RNF150: variants seen among roughly 807,000 people sequenced by gnomAD.
The protein encoded by RNF150 is ring finger protein 150.
RNF150 carries 24 observed loss-of-function variants against 39.3 expected under a neutral mutation model. The ratio of observed to expected loss-of-function variants is 0.61; its 90% CI spans 0.44 to 0.86. RNF150 has a LOEUF of 0.86. Ranked by LOEUF, RNF150 falls within the 40% of genes least tolerant of loss-of-function variation. The pLI is 0.00. For missense variants in RNF150, 502 were observed against 587.8 expected, an observed-to-expected ratio of 0.85 and a Z score of 1.51; for synonymous variants, 255 against 227.3, an observed-to-expected ratio of 1.12 and a Z score of -1.10.
chr4:140,899,968 CTCTCTCTGTGTGTGTGTGTG>C (rs750873780), intron 6 of RNF150, among the ~76,000 whole-genome samples: 81 of 116,942 alleles, frequency 6.9e-4, no homozygotes, highest in Non-Finnish European at 8.7e-4. Context: ...CTCTCTCTCT[CTCTCTCTGTGTGTGTGTGTG>C]TGTGTGTGTG....
intron 1 of RNF150, among the ~76,000 whole-genome samples, chr4:140,972,066 T>C (rs13124307): frequency 0.5 from 76,126 of 151,734 alleles, 19,596 homozygotes; most frequent in East Asian, 0.79. Flanking sequence ...TTGTAGATAT[T>C]TTCTATTTGT....
At chr4:141,086,965 T>C (rs1338098537) in intron 1 of RNF150, among the ~76,000 whole-genome samples, 1 of 152,162 alleles carries the variant, frequency 6.6e-6, no homozygotes, top group African/African-American at 2.4e-5. Flanking sequence ...ATTTGCTTTC[T>C]AGCTATTGCT....
chr4:140,905,207 C>T (rs1318113695), intron 6 of RNF150, among the ~76,000 whole-genome samples: 1 of 152,256 alleles, frequency 6.6e-6, no homozygotes, highest in East Asian at 1.9e-4. Flanking sequence ...TATTCACATA[C>T]ATATATGCAT....
chr4:141,089,719 T>C (rs1366503261), intron 1 of RNF150, among the ~76,000 whole-genome samples: 1 of 152,200 alleles, frequency 6.6e-6, no homozygotes, highest in Non-Finnish European at 1.5e-5. Flanking sequence ...CAGTACAGGA[T>C]ACTCCCATAA....
intron 1 of RNF150, among the ~76,000 whole-genome samples, chr4:141,090,973 G>T (rs150744380): frequency 3.9e-5 from 6 of 152,320 alleles, no homozygotes; most frequent in African/African-American, 1.4e-4. Context: ...CTTTCAGATG[G>T]CAAGGGCTGA....
chr4:140,970,246 A>G (rs1733411365), intron 1 of RNF150, among the ~76,000 whole-genome samples: 1 of 152,208 alleles, frequency 6.6e-6, no homozygotes, highest in African/African-American at 2.4e-5. Context: ...CTTCGATTTA[A>G]TAACAATATT....
chr4:141,149,372 T>G (rs1727258475), intron 1 of RNF150, among the ~76,000 whole-genome samples: 1 of 113,204 alleles, frequency 8.8e-6, no homozygotes, highest in South Asian at 3.6e-4. Context: ...GTGTAGCTTC[T>G]TATCTCTTGC....
At chr4:141,198,633 G>A (rs1469684825) in intron 1 of RNF150, among the ~76,000 whole-genome samples, 1 of 152,216 alleles carries the variant, frequency 6.6e-6, no homozygotes, top group Non-Finnish European at 1.5e-5. Context: ...GGACTAAACA[G>A]AAGTATACTT....
intron 1 of RNF150, among the ~76,000 whole-genome samples, chr4:141,176,526 A>C (rs774144685): frequency 6.6e-6 from 1 of 152,222 alleles, no homozygotes; most frequent in Non-Finnish European, 1.5e-5. Context: ...TCATCTAACA[A>C]TAAAGCACAA....
At chr4:141,057,295 A>C (rs1356150779) in intron 1 of RNF150, among the ~76,000 whole-genome samples, 1 of 151,864 alleles carries the variant, frequency 6.6e-6, no homozygotes, top group Non-Finnish European at 1.5e-5. Flanking sequence ...TATTTTACAT[A>C]ATTAAAATTA....
intron 1 of RNF150, among the ~76,000 whole-genome samples, chr4:141,006,916 T>G (rs1734890925): frequency 6.6e-6 from 1 of 152,206 alleles, no homozygotes; most frequent in African/African-American, 2.4e-5. Flanking sequence ...TATATTGAAT[T>G]GATAAAATAG....
chr4:141,177,635 C>T (rs1410609771), intron 1 of RNF150, among the ~76,000 whole-genome samples: 1 of 152,138 alleles, frequency 6.6e-6, no homozygotes, highest in Non-Finnish European at 1.5e-5. Context: ...GGTGCATGTA[C>T]TGACATTCTC....
chr4:141,089,980 A>G (rs1738518487), intron 1 of RNF150, among the ~76,000 whole-genome samples: 1 of 152,166 alleles, frequency 6.6e-6, no homozygotes, highest in Admixed American at 6.5e-5. Flanking sequence ...CTCACGCAAT[A>G]TCTTTCTTCA....
intron 1 of RNF150, among the ~76,000 whole-genome samples, chr4:141,211,784 G>C (rs561326704): frequency 4.3e-4 from 66 of 152,006 alleles, no homozygotes; most frequent in African/African-American, 1.5e-3. Context: ...TTCAGGTTTG[G>C]AAGATAGGGC....
At chr4:141,059,412 C>G (rs984306354) in intron 1 of RNF150, among the ~76,000 whole-genome samples, 2 of 152,138 alleles carry the variant, frequency 1.3e-5, no homozygotes, top group Non-Finnish European at 2.9e-5. Context: ...ATGGAATGTT[C>G]TCTTGCCTAT....
At position 140,971,303 on chromosome 4, in the gene RNF150, A is replaced by C. The variant is rs1395911864; in HGVS notation, c.485-3430T>G. On this transcript the variant is annotated intron_variant, in intron 1 of 6. Transcript: ENST00000515673. The stretch of plus-strand genomic sequence containing the variant: ...GGGGTGGGGCTAGGGGGAGTGGTGC[A>C]AGCCCAGCACAGTGATCTGAGAGTT... Among the ~76,000 whole-genome samples, 6 of 152,198 alleles carry C rather than the reference A, an allele frequency of 3.9e-5. No individual in the cohort carries two copies. In the East Asian group the frequency reaches 7.8e-4, roughly 20 times the overall value.
At chr4:141,084,141 T>C (rs943692210) in intron 1 of RNF150, among the ~76,000 whole-genome samples, 2 of 152,208 alleles carry the variant, frequency 1.3e-5, no homozygotes, top group African/African-American at 2.4e-5. Flanking sequence ...TTCAGTACTC[T>C]TGAATGTTCA....
intron 1 of RNF150, among the ~76,000 whole-genome samples, chr4:141,138,486 TC>T (rs2111122170): frequency 6.6e-6 from 1 of 152,328 alleles, no homozygotes; most frequent in East Asian, 1.9e-4. Context: ...AATAGAGAAT[TC>T]ACATTACTTT....
chr4:141,062,248 C>T (rs12506655), intron 1 of RNF150, among the ~76,000 whole-genome samples: 93,205 of 151,804 alleles, frequency 0.61, 29,625 homozygotes, highest in South Asian at 0.75. Context: ...TGAGTCTTTG[C>T]GTAAAATTCT....
Sources: allele counts gnomAD v4.1 joint callset (sites outside exome capture counted in the v4.1 genomes callset), GRCh38; gene constraint gnomAD v4.1.1; transcripts MANE v1.5; gene names NCBI Gene and HGNC (gene_info 2026-07-23, HGNC 2026-07-21).